RPRD1A: variants seen among roughly 807,000 people sequenced by gnomAD.
RPRD1A encodes regulation of nuclear pre-mRNA domain containing 1A.
Under a neutral mutation model 37.8 loss-of-function variants are expected in RPRD1A, and 9 were observed. That is an observed-to-expected ratio of 0.24 (90% CI 0.14 to 0.42). RPRD1A has a LOEUF of 0.42. RPRD1A is among the 10% of genes least tolerant of loss of function. The pLI is 1.00. For missense variants in RPRD1A, 255 were observed against 371.0 expected, an observed-to-expected ratio of 0.69 and a Z score of 2.57; for synonymous variants, 138 against 139.7, an observed-to-expected ratio of 0.99 and a Z score of 0.08.
At chr18:36,023,956 T>C (rs1911183399) in intron 6 of RPRD1A, among the ~76,000 whole-genome samples, 1 of 152,244 alleles carries the variant, frequency 6.6e-6, no homozygotes, top group East Asian at 1.9e-4. Context: ...TAGGAAACAA[T>C]GTCAAAGTCA....
chr18:36,019,869 G>A (rs940067158), intron 6 of RPRD1A, among the ~76,000 whole-genome samples: 2 of 152,108 alleles, frequency 1.3e-5, no homozygotes, highest in Non-Finnish European at 1.5e-5. Flanking sequence ...GCAAAACCCT[G>A]TCTCTACTAA....
At chr18:36,034,061 T>C (rs1912012265) in intron 1 of RPRD1A, among the ~76,000 whole-genome samples, 1 of 152,132 alleles carries the variant, frequency 6.6e-6, no homozygotes, top group African/African-American at 2.4e-5. Context: ...CTCTATCCTG[T>C]ATTAAATTTT....
chr18:36,057,572 A>G (rs1299361512), intron 1 of RPRD1A, among the ~76,000 whole-genome samples: 1 of 152,236 alleles, frequency 6.6e-6, no homozygotes, highest in Non-Finnish European at 1.5e-5. Flanking sequence ...AGATCATGCC[A>G]CTGCACTCTA....
At chr18:36,063,941 C>G (rs1230578713) in intron 1 of RPRD1A, 2 of 152,248 alleles carry the variant, frequency 1.3e-5, no homozygotes, top group Non-Finnish European at 2.9e-5. Flanking sequence ...TTTTTATATG[C>G]TTTAACGTTT....
chr18:36,025,614 AT>A, intron 6 of RPRD1A: 1 of 1,287,176 alleles, frequency 7.8e-7, no homozygotes. Context: ...TTTGATATTT[AT>A]TTTTAGCAGG....
chr18:36,064,710 G>C (rs1480395753), intron 1 of RPRD1A, among the ~76,000 whole-genome samples: 1 of 152,178 alleles, frequency 6.6e-6, no homozygotes, highest in African/African-American at 2.4e-5. Context: ...GGCCAGATAA[G>C]AGAATAAAAG....
intron 6 of RPRD1A, among the ~76,000 whole-genome samples, chr18:36,020,130 G>T (rs1352706111): frequency 6.6e-6 from 1 of 152,176 alleles, no homozygotes; most frequent in Non-Finnish European, 1.5e-5. Context: ...CGAAAGTAAT[G>T]TAATTCATCC....
In RPRD1A at chr18:36,018,118, C is replaced by T. The variant is rs1404818265; in HGVS notation, c.789+8782G>A. The stretch of plus-strand genomic sequence containing the variant: ...CACTTAAGACTTTTTAAGTACTGGA[C>T]TCTGCTAAAATGATTTAACCAATTA... On this transcript the variant is annotated intron_variant, in intron 6 of 6. Transcript: ENST00000399022. Among the ~76,000 whole-genome samples, 4 of 152,106 alleles carry T rather than the reference C, an allele frequency of 2.6e-5. No homozygotes were observed. The East Asian group carries it at 7.7e-4, about 29-fold the overall frequency.
intron 1 of RPRD1A, among the ~76,000 whole-genome samples, chr18:36,039,253 C>A (rs755680090): frequency 6.6e-6 from 1 of 152,182 alleles, no homozygotes; most frequent in Non-Finnish European, 1.5e-5. Context: ...CCCAGCAATG[C>A]AGAACTGTGA....
chr18:36,019,274 AT>A (rs1418220945), intron 6 of RPRD1A, among the ~76,000 whole-genome samples: 2 of 151,884 alleles, frequency 1.3e-5, no homozygotes, highest in South Asian at 2.1e-4. Flanking sequence ...CGCCTGGCTA[AT>A]TTTTTATATT....
intron 2 of RPRD1A, among the ~76,000 whole-genome samples, chr18:36,032,404 T>G (rs1195593372): frequency 6.6e-6 from 1 of 152,222 alleles, no homozygotes; most frequent in Non-Finnish European, 1.5e-5. Flanking sequence ...GCTTAAACTG[T>G]AGACTATAGA....
chr18:36,012,148 AAGACT>A (rs1910215889), intron 6 of RPRD1A, among the ~76,000 whole-genome samples: 1 of 152,196 alleles, frequency 6.6e-6, no homozygotes, highest in Non-Finnish European at 1.5e-5. Context: ...GTGGTCCTGT[AAGACT>A]ATAATGAAGC....
At chr18:36,015,370 G>A (rs1285678084) in intron 6 of RPRD1A, among the ~76,000 whole-genome samples, 1 of 151,866 alleles carries the variant, frequency 6.6e-6, no homozygotes, top group Non-Finnish European at 1.5e-5. Flanking sequence ...CAGCCACCAC[G>A]TCCGGCTAAT....
chr18:36,003,697 T>C (rs1368470750), intron 6 of RPRD1A, among the ~76,000 whole-genome samples: 1 of 152,246 alleles, frequency 6.6e-6, no homozygotes. Context: ...TTCCATATTC[T>C]GCTCTTTGAT....
chr18:36,022,218 C>G (rs1179700247), intron 6 of RPRD1A, among the ~76,000 whole-genome samples: 3 of 152,182 alleles, frequency 2.0e-5, no homozygotes, highest in Non-Finnish European at 4.4e-5. Flanking sequence ...TTGAAAGTAG[C>G]AGAGGTTGGT....
rs375338605 is a variant in RPRD1A, at chr18:36,003,784, T to TTTTTG, written c.790-10489_790-10485dup. ...AAATTATCAATAAAGTCTAAAGTTT[T>TTTTTG]TTTTGTTTTGTTTTGTTTCTGTTTG... On this transcript the variant is annotated intron_variant, in intron 6 of 6. Coordinates refer to ENST00000399022, the MANE Select transcript of RPRD1A (RefSeq NM_018170.5). 3.3e-3 allele frequency among the ~76,000 whole-genome samples: 497 copies of TTTTTG among 152,228 alleles called. 1 individual carries two copies. The highest frequency in any genetic ancestry group is 0.012 in the African/African-American group (484 of 41,538).
At chr18:36,016,326 G>A (rs1474455347) in intron 6 of RPRD1A, among the ~76,000 whole-genome samples, 1 of 152,132 alleles carries the variant, frequency 6.6e-6, no homozygotes, top group South Asian at 2.1e-4. Context: ...GGGTTCAAGC[G>A]ATTCTCCTGT....
chr18:36,026,710 T>G, intron 6 of RPRD1A, 190 bp downstream of exon 6: 1 of 446,234 alleles, frequency 2.2e-6, no homozygotes, highest in Non-Finnish European at 3.9e-6. Flanking sequence ...AATTTCTAAG[T>G]TTACTTGCAA....
rs1395020730 is a variant in RPRD1A at position 35,993,258 on chromosome 18, C to T, written c.832G>A (p.Glu278Lys). 6.2e-7 allele frequency: 1 copy of T among 1,614,212 alleles called. No homozygotes were observed. The highest frequency in any genetic ancestry group is 1.7e-5 in the Admixed American group (1 of 60,020). ...KLARVSLVRKELRSRIQSLPD... is the reference protein window; with the variant it reads ...KLARVSLVRKKLRSRIQSLPD... ...AGGCTCTGGATCCGGGACCTGAGTT[C>T]TTTGCGCACCAGGGAAACTCTGGCT... The change falls in exon 7 of 7, where the codon GAA becomes AAA. Residue 278 changes from glutamate (E) to lysine (K), a missense_variant. Glu to Lys is a moderately conservative substitution (Grantham distance 56). Around this residue, in one of 2 missense-constraint regions of RPRD1A, gnomAD observed 211 missense variants for 268.9 expected, o/e 0.78. Transcript: ENST00000399022.
Sources: allele counts gnomAD v4.1 joint callset (sites outside exome capture counted in the v4.1 genomes callset), GRCh38; gene constraint gnomAD v4.1.1; regional missense constraint gnomAD v4.1.1; transcripts MANE v1.5; gene names NCBI Gene and HGNC (gene_info 2026-07-23, HGNC 2026-07-21).